MLLT10: variants seen among roughly 807,000 people sequenced by gnomAD.
The protein encoded by MLLT10 is protein AF-10.
Under a neutral mutation model 129.1 loss-of-function variants are expected in MLLT10, and 30 were observed. The observed-to-expected ratio is 0.23, with a 90% CI of 0.17 to 0.32. The LOEUF is 0.32. Ranked by LOEUF, MLLT10 falls within the 10% of genes least tolerant of loss-of-function variation. The probability of loss-of-function intolerance (pLI) is 1.00; values close to 1 mark genes in which losing one functional copy is unlikely to be tolerated. For missense variants in MLLT10, 1,119 were observed against 1,268.3 expected, an observed-to-expected ratio of 0.88 and a Z score of 1.79; for synonymous variants, 490 against 446.4, an observed-to-expected ratio of 1.10 and a Z score of -1.23.
intron 7 of MLLT10, 76 bp downstream of exon 7, chr10:21,615,000 A>T: frequency 8.0e-7 from 1 of 1,250,808 alleles, no homozygotes; most frequent in Non-Finnish European, 1.1e-6. Flanking sequence ...TTATTAAAAA[A>T]AGCATATAAC....
At chr10:21,587,497 A>G (rs2042100814) in intron 4 of MLLT10, among the ~76,000 whole-genome samples, 1 of 150,400 alleles carries the variant, frequency 6.6e-6, no homozygotes, top group Non-Finnish European at 1.5e-5. Context: ...ACCCTTGTAT[A>G]TTACTCATTT....
chr10:21,736,163 G>T (rs1042879754), intron 21 of MLLT10, among the ~76,000 whole-genome samples: 2 of 152,056 alleles, frequency 1.3e-5, no homozygotes, highest in Non-Finnish European at 1.5e-5. Context: ...TAGTCTGTGT[G>T]TGTTATAGGG....
chr10:21,685,386 A>C (rs1275808633), intron 13 of MLLT10, among the ~76,000 whole-genome samples: 1 of 152,182 alleles, frequency 6.6e-6, no homozygotes, highest in Non-Finnish European at 1.5e-5. Flanking sequence ...ACAGGCTGGA[A>C]TGCAATGGTG....
chr10:21,570,242 G>A (rs11012740), intron 3 of MLLT10, among the ~76,000 whole-genome samples: 2,709 of 150,324 alleles, frequency 0.018, 35 homozygotes, highest in Non-Finnish European at 0.027. Flanking sequence ...GTGTGCGCGC[G>A]TGTGTGTGTG....
intron 3 of MLLT10, among the ~76,000 whole-genome samples, chr10:21,549,662 T>C (rs1246558556): frequency 6.7e-6 from 1 of 148,330 alleles, no homozygotes; most frequent in Admixed American, 6.7e-5. Context: ...TTGTACTCTT[T>C]TTTTTTTTTT....
At chr10:21,553,775 G>A (rs895847157) in intron 3 of MLLT10, among the ~76,000 whole-genome samples, 3 of 151,526 alleles carry the variant, frequency 2.0e-5, no homozygotes, top group South Asian at 2.1e-4. Context: ...TCAGCCTCCC[G>A]AGTAGCTGAG....
At chr10:21,605,855 C>CT (rs769170856) in intron 5 of MLLT10, among the ~76,000 whole-genome samples, 103 of 152,154 alleles carry the variant, frequency 6.8e-4, no homozygotes, top group East Asian at 1.5e-3. Context: ...ATAAGCATAT[C>CT]TTTTTTTTCT....
At chr10:21,736,279 TGTG>T (rs2058356533) in intron 21 of MLLT10, among the ~76,000 whole-genome samples, 2 of 152,048 alleles carry the variant, frequency 1.3e-5, no homozygotes, top group African/African-American at 4.8e-5. Context: ...TGCCTGGAAT[TGTG>T]GTATATATAT....
Position 21,718,183 on chromosome 10 carries a change from T to C in MLLT10, c.1878+4233T>C, listed in dbSNP as rs559236575. 1.7e-3 allele frequency among the ~76,000 whole-genome samples: 264 copies of C among 152,012 alleles called. 5 individuals are homozygous for C. The highest frequency in any genetic ancestry group is 0.012 in the South Asian group (58 of 4,814). On this transcript the variant is annotated intron_variant, in intron 14 of 22. Transcript: ENST00000307729. ...CTTAAGTGTTAAACCCTTTTTTTTTTCCCCCTTTCAACAGACTAGTTTTTA... is the reference window on the plus strand; with the variant it reads ...CTTAAGTGTTAAACCCTTTTTTTTTCCCCCCTTTCAACAGACTAGTTTTTA...
rs141375541 is a variant in MLLT10 at position 21,673,438 on chromosome 10, A to C, written c.1140A>C (p.Ser380=). The change falls in exon 11 of 23, where the codon TCA becomes TCC. Residue 380 remains serine (S), a synonymous_variant. Coordinates refer to ENST00000307729, the MANE Select transcript of MLLT10 (RefSeq NM_001195626.3). ...AGGATTTCCTGAGCTTTACAGACTC[A>C]GATCTGCGTAATGACAGTTACTCTC... ...SPQDFLSFTD[S]DLRNDSYSHS... The C allele has an allele frequency of 1.9e-6, 3 of 1,613,240 alleles. No homozygotes were observed. The highest frequency in any genetic ancestry group is 2.5e-6 in the Non-Finnish European group (3 of 1,179,914).
intron 3 of MLLT10, chr10:21,556,954 A>C (rs1381803193): frequency 6.5e-7 from 1 of 1,538,864 alleles, no homozygotes; most frequent in South Asian, 1.2e-5. Context: ...GTTTAAGTGG[A>C]ATTAACTACT....
At chr10:21,620,715 A>T (rs2045726521) in intron 8 of MLLT10, among the ~76,000 whole-genome samples, 1 of 151,276 alleles carries the variant, frequency 6.6e-6, no homozygotes, top group Non-Finnish European at 1.5e-5. Flanking sequence ...ACTGAGGCGG[A>T]GTCTTGCTGT....
Position 21,740,027 on chromosome 10 carries a change from A to T in MLLT10, c.2956-3A>T. On this transcript the variant is annotated splice_region_variant and splice_polypyrimidine_tract_variant and intron_variant, in intron 21 of 22. Transcript: ENST00000307729. ...ATTTTCTCTCACATGTTTTTTGCCTAAGGAACAACATCAAGCCTTTTTGTA... is the reference window on the plus strand; with the variant it reads ...ATTTTCTCTCACATGTTTTTTGCCTTAGGAACAACATCAAGCCTTTTTGTA... The T allele has an allele frequency of 6.3e-7, 1 of 1,593,764 alleles. No homozygotes were observed. Among genetic ancestry groups the T allele is most frequent in the Non-Finnish European group, 8.6e-7 (1 of 1,168,644 alleles).
At chr10:21,687,870 T>A (rs1326988968) in intron 13 of MLLT10, among the ~76,000 whole-genome samples, 2 of 152,206 alleles carry the variant, frequency 1.3e-5, no homozygotes, top group Non-Finnish European at 2.9e-5. Flanking sequence ...GTATGAAATC[T>A]TATGGGCAGG....
chr10:21,589,227 G>A (rs1055652219), intron 4 of MLLT10, among the ~76,000 whole-genome samples: 2 of 151,426 alleles, frequency 1.3e-5, no homozygotes, highest in Non-Finnish European at 1.5e-5. Context: ...TTTTTTTACC[G>A]TGCATGAGTT....
chr10:21,738,685 A>G (rs575934704), intron 21 of MLLT10: 14 of 477,366 alleles, frequency 2.9e-5, no homozygotes, highest in Non-Finnish European at 3.5e-5. Flanking sequence ...TCTTAACGTC[A>G]CCTGGCAACG....
intron 8 of MLLT10, among the ~76,000 whole-genome samples, chr10:21,644,619 C>T (rs913902042): frequency 6.6e-6 from 1 of 151,966 alleles, no homozygotes; most frequent in Non-Finnish European, 1.5e-5. Context: ...GGGGAATACC[C>T]TAGGATTCTA....
intron 3 of MLLT10, among the ~76,000 whole-genome samples, chr10:21,540,378 A>C (rs2034926134): frequency 6.7e-6 from 1 of 149,992 alleles, no homozygotes; most frequent in South Asian, 2.1e-4. Flanking sequence ...CTCCAAACAG[A>C]GTGAGACTGT....
intron 13 of MLLT10, among the ~76,000 whole-genome samples, chr10:21,694,622 C>T (rs796677111): frequency 3.9e-5 from 6 of 152,280 alleles, no homozygotes; most frequent in African/African-American, 1.4e-4. Flanking sequence ...CCAGTGGGAG[C>T]CCCTTTGAGC....
Sources: gnomAD v4.1 joint callset for allele counts (sites outside exome capture counted in the v4.1 genomes callset) on GRCh38, gnomAD v4.1.1 for gene constraint, MANE v1.5 for transcripts, NCBI Gene and HGNC (gene_info 2026-07-23, HGNC 2026-07-21) for gene names.